PPP2R2B: variants seen among roughly 807,000 people sequenced by gnomAD.
The protein encoded by PPP2R2B is serine/threonine-protein phosphatase 2A 55 kDa regulatory subunit B beta isoform.
A neutral mutation model predicts 46.0 loss-of-function variants in PPP2R2B; 5 were observed. That is an observed-to-expected ratio of 0.11 (90% CI 0.06 to 0.23). The LOEUF (loss-of-function observed/expected upper bound fraction) is 0.23. Among genes scored for constraint, PPP2R2B ranks in the 10% least tolerant of loss-of-function variants. The pLI is 1.00. For missense variants in PPP2R2B, 367 were observed against 575.0 expected (o/e 0.64, Z 3.70); for synonymous variants, 215 against 206.7 (o/e 1.04, Z -0.34).
intron 2 of PPP2R2B, among the ~76,000 whole-genome samples, chr5:146,861,319 G>C (rs550885279): frequency 1.3e-5 from 2 of 152,066 alleles, no homozygotes; most frequent in South Asian, 4.1e-4. Flanking sequence ...GCCTCCCAAA[G>C]TGCTGGGATT....
chr5:146,893,216 T>G (rs1200966117), intron 1 of PPP2R2B, among the ~76,000 whole-genome samples: 1 of 152,198 alleles, frequency 6.6e-6, no homozygotes, highest in Non-Finnish European at 1.5e-5. Context: ...CTTCCAGTGG[T>G]TAACACCTCT....
intron 1 of PPP2R2B, among the ~76,000 whole-genome samples, chr5:146,898,777 A>G (rs1268559891): frequency 9.3e-6 from 1 of 107,910 alleles, no homozygotes; most frequent in Non-Finnish European, 1.7e-5. Context: ...CAAATTTACA[A>G]GAAAAAAACA....
intron 2 of PPP2R2B, among the ~76,000 whole-genome samples, chr5:146,816,550 T>G (rs1298430465): frequency 6.6e-6 from 1 of 152,224 alleles, no homozygotes; most frequent in African/African-American, 2.4e-5. Context: ...GAATATTAAA[T>G]GAAATCACAT....
chr5:146,958,111 T>C (rs1295767413), intron 1 of PPP2R2B, among the ~76,000 whole-genome samples: 2 of 152,006 alleles, frequency 1.3e-5, no homozygotes, highest in Non-Finnish European at 2.9e-5. Flanking sequence ...ACAACCCATA[T>C]CCAGTGTTCC....
intron 3 of PPP2R2B, 53 bp from the exon 4 acceptor site, chr5:146,698,197 A>G: frequency 6.8e-7 from 1 of 1,464,996 alleles, no homozygotes; most frequent in Non-Finnish European, 9.1e-7. Flanking sequence ...AGCCAACTGT[A>G]AAACTCGCCA....
At chr5:146,630,055 C>T (rs1350370000) in intron 7 of PPP2R2B, among the ~76,000 whole-genome samples, 4 of 152,240 alleles carry the variant, frequency 2.6e-5, no homozygotes, top group South Asian at 2.1e-4. Context: ...CCTCAAGCAA[C>T]CCACCTGCCT....
At chr5:146,910,228 G>C (rs1387993407) in intron 1 of PPP2R2B, among the ~76,000 whole-genome samples, 1 of 152,160 alleles carries the variant, frequency 6.6e-6, no homozygotes, top group East Asian at 1.9e-4. Context: ...GAAGGTAGCA[G>C]GGTGTTCATT....
chr5:146,907,316 T>C (rs1763032875), intron 1 of PPP2R2B, among the ~76,000 whole-genome samples: 1 of 152,196 alleles, frequency 6.6e-6, no homozygotes, highest in South Asian at 2.1e-4. Flanking sequence ...AAGCCATCTA[T>C]GTGCATTTTC....
intron 1 of PPP2R2B, among the ~76,000 whole-genome samples, chr5:146,893,888 A>G (rs1561500849): frequency 2.0e-5 from 3 of 151,738 alleles, no homozygotes; most frequent in Admixed American, 6.6e-5. Context: ...AATTGAAAAA[A>G]AAAAAAAAAA....
intron 2 of PPP2R2B, chr5:147,080,911 G>T (rs1480151): frequency 0.61 from 422,424 of 693,626 alleles, 129,681 homozygotes; most frequent in Middle Eastern, 0.73. Context: ...AGGAGAGAAA[G>T]AAGTTATTAA....
At chr5:147,059,166 C>T (rs1757182349), upstream of PPP2R2B, among the ~76,000 whole-genome samples, 1 of 152,106 alleles carries the variant, frequency 6.6e-6, no homozygotes, top group African/African-American at 2.4e-5. Context: ...TAAAGAAGTG[C>T]ATATTCCAGA....
chr5:146,648,160 T>C (rs1238252293), intron 6 of PPP2R2B, among the ~76,000 whole-genome samples: 2 of 152,178 alleles, frequency 1.3e-5, no homozygotes, highest in East Asian at 1.9e-4. Context: ...GCCAATGGAA[T>C]GCATACTTTT....
chr5:146,624,187 A>G (rs1446315745), intron 7 of PPP2R2B, among the ~76,000 whole-genome samples: 1 of 152,230 alleles, frequency 6.6e-6, no homozygotes, highest in Non-Finnish European at 1.5e-5. Flanking sequence ...ATGAAGATAA[A>G]TCAATGAGAA....
chr5:146,955,625 C>G (rs1418321891), intron 1 of PPP2R2B, among the ~76,000 whole-genome samples: 1 of 152,072 alleles, frequency 6.6e-6, no homozygotes, highest in African/African-American at 2.4e-5. Context: ...CTTTTTAACA[C>G]CCAGCACAAG....
rs1229530613 is a variant in PPP2R2B at position 146,581,171 on chromosome 5, C to T, written c.*8776G>A. On this transcript the variant is annotated 3_prime_UTR_variant, in exon 10 of 10. Coordinates refer to ENST00000394411, the MANE Select transcript of PPP2R2B (RefSeq NM_181675.4). The stretch of plus-strand genomic sequence containing the variant: ...GTAAAGGAATGAGGTTTAATTGGCT[C>T]ATGGTTCCACAGGCTGTACAGGAAG... 1.3e-5 allele frequency: 2 copies of T among 152,140 alleles called. No homozygotes were observed. Among genetic ancestry groups the T allele is most frequent in the Non-Finnish European group, 2.9e-5 (2 of 68,044 alleles). The allele number at this position is 152,140 out of a possible 1,614,324, so 9.4% of individuals were successfully genotyped here. A position where few individuals can be genotyped will look rare whatever the true frequency, so the allele number is the denominator to read the frequency against.
chr5:146,966,063 G>C (rs1003825505), intron 1 of PPP2R2B, among the ~76,000 whole-genome samples: 3 of 152,210 alleles, frequency 2.0e-5, no homozygotes, highest in African/African-American at 7.2e-5. Flanking sequence ...AAAATGCAAG[G>C]AGATTGAGAA....
intron 2 of PPP2R2B, chr5:146,856,453 C>T (rs376603330): frequency 3.1e-5 from 44 of 1,414,284 alleles, no homozygotes; most frequent in Non-Finnish European, 4.2e-5. Context: ...CACTTCTATA[C>T]TGCTACTTTA....
chr5:146,692,418 T>C (rs1022024100), intron 4 of PPP2R2B, among the ~76,000 whole-genome samples: 6 of 151,810 alleles, frequency 4.0e-5, no homozygotes, highest in African/African-American at 1.4e-4. Context: ...AGAACTCCCA[T>C]GAGAACTCCC....
intron 2 of PPP2R2B, among the ~76,000 whole-genome samples, chr5:146,854,568 T>C (rs939586173): frequency 6.6e-6 from 1 of 152,160 alleles, no homozygotes; most frequent in African/African-American, 2.4e-5. Context: ...CCTCTTTTCA[T>C]CAAGGCAGTC....
Sources: allele counts gnomAD v4.1 joint callset (sites outside exome capture counted in the v4.1 genomes callset), GRCh38; gene constraint gnomAD v4.1.1; transcripts MANE v1.5; gene names NCBI Gene and HGNC (gene_info 2026-07-23, HGNC 2026-07-21).